The following IL3RA variants were observed in gnomAD, a reference collection of about 807,000 sequenced individuals.
IL3RA encodes the protein interleukin 3 receptor subunit alpha, also known as interleukin-3 receptor subunit alpha.
Under a neutral mutation model 52.3 loss-of-function variants are expected in IL3RA, and 73 were observed. That is an observed-to-expected ratio of 1.40 (90% CI 1.16 to 1.70). IL3RA has a LOEUF of 1.70. Ranked by LOEUF, IL3RA falls within the 40% of genes most tolerant of loss-of-function variation. The probability of loss-of-function intolerance (pLI) is 0.00; values close to 1 mark genes in which losing one functional copy is unlikely to be tolerated. For missense variants in IL3RA, 664 were observed against 504.4 expected (o/e 1.32, Z -3.03); for synonymous variants, 260 against 194.0 (o/e 1.34, Z -2.83).
chrX:1,378,199 GAAAAA>G (rs1569528261), intron 9 of IL3RA, among the ~76,000 whole-genome samples: 2 of 137,906 alleles, frequency 1.5e-5, no homozygotes, highest in Non-Finnish European at 3.1e-5. Context: ...AAAAAAAAAA[GAAAAA>G]GAAAAAGAAA....
chrX:1,357,046 G>A (rs1467162279), intron 7 of IL3RA, among the ~76,000 whole-genome samples: 18 of 151,808 alleles, frequency 1.2e-4, no homozygotes, highest in African/African-American at 3.4e-4. Context: ...TCTGCCTCCC[G>A]GGTTCAAGTG....
chrX:1,363,469 T>C (rs2087638025), intron 8 of IL3RA, among the ~76,000 whole-genome samples: 1 of 151,392 alleles, frequency 6.6e-6, no homozygotes, highest in South Asian at 2.1e-4. Context: ...CCCGGCTAAT[T>C]TTTTGTATTT....
At chrX:1,378,609 T>TC (rs771862284) in intron 9 of IL3RA, 50 bp from the exon 10 acceptor site, 26 of 1,494,712 alleles carry the variant, frequency 1.7e-5, no homozygotes, top group Non-Finnish European at 2.2e-5. Flanking sequence ...CAGTCCCTGG[T>TC]CCCCCCAGGA....
chrX:1,360,857 G>GTCTCTCTCTCCCTTCCCCTC (rs1162021908), intron 8 of IL3RA, among the ~76,000 whole-genome samples: 10 of 139,472 alleles, frequency 7.2e-5, no homozygotes, highest in African/African-American at 2.5e-4. Flanking sequence ...CTCTCTCCCT[G>GTCTCTCTCTCCCTTCCCCTC]TCTCTCTCTC....
At chrX:1,354,229 C>A (rs2086437533) in intron 6 of IL3RA, among the ~76,000 whole-genome samples, 1 of 152,166 alleles carries the variant, frequency 6.6e-6, no homozygotes, top group African/African-American at 2.4e-5. Flanking sequence ...CAGTCACCTC[C>A]CAAAGACCCC....
chrX:1,351,079 T>C (rs17883939), intron 4 of IL3RA, among the ~76,000 whole-genome samples: 116,801 of 151,258 alleles, frequency 0.77, 45,806 homozygotes, highest in African/African-American at 0.88. Flanking sequence ...TGGTAGTGGG[T>C]GCCTGTTGTC....
intron 6 of IL3RA, among the ~76,000 whole-genome samples, chrX:1,353,946 C>CCT (rs2086382166): frequency 1.0e-5 from 1 of 98,804 alleles, no homozygotes; most frequent in Non-Finnish European, 2.0e-5. Flanking sequence ...TCATGGGACC[C>CCT]CCCCCCCCAT....
intron 10 of IL3RA, among the ~76,000 whole-genome samples, chrX:1,379,451 T>C (rs2089022724): frequency 6.6e-6 from 1 of 151,622 alleles, no homozygotes; most frequent in Non-Finnish European, 1.5e-5. Context: ...CCACCGCACC[T>C]GGCCCCTTGA....
intron 10 of IL3RA, 95 bp from the exon 11 acceptor site, chrX:1,380,928 C>A: frequency 1.9e-6 from 2 of 1,057,512 alleles, no homozygotes; most frequent in Non-Finnish European, 2.9e-6. Context: ...GTCTTTTGCT[C>A]TGTCCTGGCA....
intron 7 of IL3RA, among the ~76,000 whole-genome samples, chrX:1,357,343 G>A (rs1205807429): frequency 6.7e-6 from 1 of 150,096 alleles, no homozygotes; most frequent in South Asian, 2.1e-4. Context: ...TGTCACCCAA[G>A]CTGTTTGTTT....
Position 1,365,222 on chromosome X carries a change from T to C in IL3RA, c.844T>C (p.Leu282=), listed in dbSNP as rs778246261. Residue 282 remains leucine, a synonymous_variant, in exon 9 of 12, where the codon TTG becomes CTG. Coordinates refer to ENST00000331035, the MANE Select transcript of IL3RA (RefSeq NM_002183.4). ...IRARERVYEF[L]SAWSTPQRFE... Reference sequence around the variant, plus strand: ...AGCCCGGGAAAGAGTGTATGAATTCTTGAGCGCCTGGAGCACCCCCCAGCG... The same window carrying C: ...AGCCCGGGAAAGAGTGTATGAATTCCTGAGCGCCTGGAGCACCCCCCAGCG... 6.2e-7 allele frequency: 1 copy of C among 1,610,310 alleles called. No homozygotes were observed. The highest frequency in any genetic ancestry group is 1.1e-5 in the South Asian group (1 of 91,048).
At chrX:1,363,845 A>G (rs2087688541) in intron 8 of IL3RA, among the ~76,000 whole-genome samples, 1 of 150,428 alleles carries the variant, frequency 6.6e-6, no homozygotes. Context: ...TCAGCCCCCC[A>G]AGTAGCTGAA....
In IL3RA at chrX:1,341,829, G is replaced by T. The variant is rs746824517; in HGVS notation, c.64G>T (p.Asp22Tyr). 2.5e-6 allele frequency: 4 copies of T among 1,613,894 alleles called. No homozygotes were observed. Reference protein sequence around the residue: ...ALPCLLQTKEDPNPPITNLRM... With the variant: ...ALPCLLQTKEYPNPPITNLRM... ...GCCCTGTCTCCTGCAAACGAAGGAA[G>T]GTAAGAACTGGAGAAAAAATGCACG... is the stretch of plus-strand genomic sequence containing the variant. Residue 22 changes from aspartate (D) to tyrosine (Y), a missense_variant and splice_region_variant, in exon 2 of 12, where the codon GAT (aspartate) becomes TAT (tyrosine). Asp to Tyr is a radical substitution (Grantham distance 160). Transcript: ENST00000331035.
intron 10 of IL3RA, 48 bp from the exon 11 acceptor site, chrX:1,380,975 G>C (rs1322628264): frequency 6.7e-7 from 1 of 1,488,498 alleles, no homozygotes; most frequent in South Asian, 1.1e-5. Context: ...CAGATGATGA[G>C]CTGGTCGGTT....
At chrX:1,349,270 C>T (rs1174485654) in intron 4 of IL3RA, among the ~76,000 whole-genome samples, 1 of 151,354 alleles carries the variant, frequency 6.6e-6, no homozygotes, top group Admixed American at 6.6e-5. Flanking sequence ...CAACCTCTGG[C>T]TCCCGGGTTC....
chrX:1,357,947 A>T (rs1174234312), intron 7 of IL3RA, among the ~76,000 whole-genome samples: 33 of 147,770 alleles, frequency 2.2e-4, no homozygotes, highest in African/African-American at 8.4e-4. Context: ...CTAAAAATAC[A>T]AAAAAAAATT....
intron 4 of IL3RA, among the ~76,000 whole-genome samples, chrX:1,349,704 C>T (rs1432177584): frequency 1.3e-5 from 2 of 151,886 alleles, no homozygotes; most frequent in Non-Finnish European, 2.9e-5. Context: ...TTCTTGTCGC[C>T]CAGGCTGGAG....
At chrX:1,349,845 T>C (rs1294378795) in intron 4 of IL3RA, among the ~76,000 whole-genome samples, 1 of 151,072 alleles carries the variant, frequency 6.6e-6, no homozygotes, top group Non-Finnish European at 1.5e-5. Flanking sequence ...GTATTTTAAG[T>C]AGAGACGGGG....
At chrX:1,349,241 G>C (rs1258072087) in intron 4 of IL3RA, among the ~76,000 whole-genome samples, 7 of 151,248 alleles carry the variant, frequency 4.6e-5, no homozygotes, top group African/African-American at 1.7e-4. Context: ...GAGTGCACTG[G>C]CGCGATCTCG....
Sources: allele counts gnomAD v4.1 joint callset (sites outside exome capture counted in the v4.1 genomes callset), GRCh38; gene constraint gnomAD v4.1.1; transcripts MANE v1.5; gene names NCBI Gene and HGNC (gene_info 2026-07-23, HGNC 2026-07-21).